The following SSC5D variants were observed in gnomAD, a reference collection of about 807,000 sequenced individuals.
SSC5D encodes the protein scavenger receptor cysteine rich family member with 5 domains.
In SSC5D, 106 loss-of-function variants were observed where a neutral mutation model predicts 104.6. The ratio of observed to expected loss-of-function variants is 1.01; its 90% CI spans 0.87 to 1.19. The LOEUF is 1.19. Among genes scored for constraint, SSC5D ranks in the 50% most tolerant of loss-of-function variants. The probability of loss-of-function intolerance (pLI) is 0.00; values close to 1 mark genes in which losing one functional copy is unlikely to be tolerated. For synonymous variants in SSC5D, 860 were observed against 883.5 expected (o/e 0.97, Z 0.47); for missense variants, 1,993 against 2,153.8 (o/e 0.93, Z 1.48).
chr19:55,514,458 A>C (rs1195245833), intron 13 of SSC5D, among the ~76,000 whole-genome samples: 2 of 26,700 alleles, frequency 7.5e-5, no homozygotes, highest in Admixed American at 5.0e-4. Flanking sequence ...TAATAATAAT[A>C]GGTGTGGTGG....
rs1363736841 is a variant in SSC5D, at chr19:55,517,514, C to A, written c.3238C>A (p.Pro1080Thr). 5 of 1,551,374 alleles carry A rather than the reference C, an allele frequency of 3.2e-6. No homozygotes were observed. The highest frequency in any genetic ancestry group is 4.4e-6 in the Non-Finnish European group (5 of 1,147,002). ...GTCCACCCCTGACTCCAGTGTGGTT[C>A]CCGCGTTGACCCCGGAGCCCTCACC... ...ALSTPDSSVV[P>T]ALTPEPSPTP... Residue 1080 changes from proline to threonine, a missense_variant, in exon 14 of 14, where the codon CCC becomes ACC. By Grantham distance (38) the Pro-to-Thr change is conservative (BLOSUM62 -1). Coordinates refer to ENST00000389623, the MANE Select transcript of SSC5D (RefSeq NM_001144950.2).
chr19:55,495,739 G>T (rs1248714507), intron 8 of SSC5D, among the ~76,000 whole-genome samples: 1 of 151,634 alleles, frequency 6.6e-6, no homozygotes, highest in Non-Finnish European at 1.5e-5. Flanking sequence ...AGCATGGCAG[G>T]AATCTTTTAT....
intron 13 of SSC5D, among the ~76,000 whole-genome samples, chr19:55,515,415 A>AG (rs1987849060): frequency 1.4e-5 from 2 of 143,826 alleles, no homozygotes; most frequent in African/African-American, 2.7e-5. Flanking sequence ...AAAAAAAAAA[A>AG]AAGTTAAATG....
chr19:55,489,063 C>T, intron 2 of SSC5D, 31 bp downstream of exon 2: 1 of 20,860 alleles, frequency 4.8e-5, no homozygotes, highest in Non-Finnish European at 9.5e-5. Flanking sequence ...CATCTGCCCG[C>T]CCCCCCCCCC....
chr19:55,489,510 C>G lies in SSC5D; in HGVS notation c.209C>G (p.Pro70Arg). The G allele has an allele frequency of 6.8e-7, 1 of 1,466,464 alleles. No individual in the cohort carries two copies. The highest frequency in any genetic ancestry group is 9.0e-7 in the Non-Finnish European group (1 of 1,115,560). 90.8% of individuals were successfully genotyped at this position (1,466,464 alleles called of 1,614,324 possible). A position where few individuals can be genotyped will look rare whatever the true frequency, so the allele number is the denominator to read the frequency against. Residue 70 changes from proline (P) to arginine (R), a missense_variant, in exon 3 of 14, where the codon CCG (proline) becomes CGG (arginine). Pro to Arg is a moderately radical substitution (Grantham distance 103). Coordinates refer to ENST00000389623, the MANE Select transcript of SSC5D (RefSeq NM_001144950.2). Reference protein sequence around the residue: ...QLGCGGALAAPGGAFFGEGAG... With the variant: ...QLGCGGALAARGGAFFGEGAG... ...GGCTGCGGAGGGGCACTGGCCGCCC[C>G]GGGAGGCGCCTTCTTCGGGGAGGGG...
Position 55,519,071 on chromosome 19 carries a change from A to G in SSC5D, c.*73A>G. ...CAAAAACAAAAAAAACCCCCAAAGT[A>G]TCTAATTAAAAACAAGGTGTGAATG... On this transcript the variant is annotated 3_prime_UTR_variant, in exon 14 of 14. Coordinates refer to ENST00000389623, the MANE Select transcript of SSC5D (RefSeq NM_001144950.2). The G allele has an allele frequency of 1.3e-5, 19 of 1,440,718 alleles. No homozygotes were observed. The highest frequency in any genetic ancestry group is 2.5e-5 in the East Asian group (1 of 40,438). The allele number at this position is 1,440,718 out of a possible 1,614,324, so 89.2% of individuals were successfully genotyped here.
At chr19:55,508,101 A>T (rs1385409827) in intron 12 of SSC5D, among the ~76,000 whole-genome samples, 1 of 152,110 alleles carries the variant, frequency 6.6e-6, no homozygotes, top group Non-Finnish European at 1.5e-5. Context: ...GGATATCAGG[A>T]GATATTAGCT....
chr19:55,497,446 A>G (rs1311830032), intron 8 of SSC5D, among the ~76,000 whole-genome samples: 1 of 152,248 alleles, frequency 6.6e-6, no homozygotes. Flanking sequence ...CATGTAACAT[A>G]AAGTTAACCA....
intron 2 of SSC5D, 113 bp downstream of exon 2, chr19:55,489,145 GTGACCT>G (rs1257400004): frequency 1.1e-6 from 1 of 952,232 alleles, no homozygotes; most frequent in African/African-American, 1.8e-5. Context: ...GAATTCCACT[GTGACCT>G]TGGCCCCAGC....
chr19:55,499,704 A>G, intron 9 of SSC5D, 112 bp from the exon 10 acceptor site: 1 of 822,376 alleles, frequency 1.2e-6, no homozygotes, highest in Non-Finnish European at 1.9e-6. Context: ...AAATGAATGA[A>G]TGATGAATGA....
In SSC5D at chr19:55,503,818, CT is replaced by C. The variant is rs76722696; in HGVS notation, c.2785+2627del. Among the ~76,000 whole-genome samples, 59,052 of 150,818 alleles carry C rather than the reference CT, an allele frequency of 0.39. 11,788 individuals are homozygous for C. The highest frequency in any genetic ancestry group is 0.59 in the East Asian group (3,018 of 5,098). ...TCTCGCCGCAAGCGTCCTTTCCCGCCTTTTTTTTTTCTGGCGCTCAGCACGC... is the reference window on the plus strand; with the variant it reads ...TCTCGCCGCAAGCGTCCTTTCCCGCCTTTTTTTTTCTGGCGCTCAGCACGC... On this transcript the variant is annotated intron_variant, in intron 12 of 13. Coordinates refer to ENST00000389623, the MANE Select transcript of SSC5D (RefSeq NM_001144950.2). This position sits in a 1 kb window ranked among gnomAD's most constrained non-coding sequence, Gnocchi z 4.0.
At chr19:55,489,057 T>TGGGGGGGGC in intron 2 of SSC5D, 25 bp downstream of exon 2, 2 of 1,247,976 alleles carry the variant, frequency 1.6e-6, no homozygotes, top group Non-Finnish European at 2.1e-6. Flanking sequence ...TCCTCCCATC[T>TGGGGGGGGC]GCCCGCCCCC....
At chr19:55,495,231 ATATTT>A (rs1987286252) in intron 8 of SSC5D, among the ~76,000 whole-genome samples, 1 of 25,966 alleles carries the variant, frequency 3.9e-5, no homozygotes. Flanking sequence ...ATATATATAT[ATATTT>A]TTTTTTTTTT....
At position 55,490,536 on chromosome 19, in the gene SSC5D, G is replaced by A. The variant is rs78828816; in HGVS notation, c.586+128G>A. ...CTGGAGGGATCCCAGTGTTCCCCGC[G>A]TCCCTCCCCCGGGGATTTAGACGGC... On this transcript the variant is annotated intron_variant, in intron 5 of 13. Transcript: ENST00000389623. The A allele has an allele frequency of 9.3e-3, 5,692 of 609,632 alleles. 120 individuals are homozygous for A. The highest frequency in any genetic ancestry group is 0.078 in the East Asian group (2,561 of 32,844). 37.8% of individuals were successfully genotyped at this position (609,632 alleles called of 1,614,324 possible).
chr19:55,493,994 G>GCCCGCCCCCCCCCCCCCC, intron 7 of SSC5D, 82 bp downstream of exon 7: 1 of 143,314 alleles, frequency 7.0e-6, no homozygotes, highest in Non-Finnish European at 1.4e-5. Flanking sequence ...GGGCGGGGGG[G>GCCCGCCCCCCCCCCCCCC]TCCCTACGCG....
rs1024574205 is a variant in SSC5D, at chr19:55,488,483, C to T, written c.-107C>T. ...CTGCCTGCTCCTCCTCGGGCCTGGG[C>T]GCCTCCAGCAGGCACTTCCCTCCCT... On this transcript the variant is annotated 5_prime_UTR_variant, in exon 1 of 14. Transcript: ENST00000389623. The T allele has an allele frequency of 5.9e-6, 6 of 1,020,906 alleles. No homozygotes were observed. Among genetic ancestry groups the T allele is most frequent in the East Asian group, 2.7e-5 (1 of 36,868 alleles). 63.2% of individuals were successfully genotyped at this position (1,020,906 alleles called of 1,614,324 possible). A position where few individuals can be genotyped will look rare whatever the true frequency, so the allele number is the denominator to read the frequency against.
At chr19:55,509,731 C>T (rs563942388) in intron 12 of SSC5D, among the ~76,000 whole-genome samples, 12 of 150,416 alleles carry the variant, frequency 8.0e-5, no homozygotes, top group African/African-American at 2.2e-4. Flanking sequence ...TGGTGGCAGG[C>T]GCCTGTAATC....
chr19:55,502,495 T>C (rs756622147), intron 12 of SSC5D, among the ~76,000 whole-genome samples: 1 of 152,140 alleles, frequency 6.6e-6, no homozygotes, highest in African/African-American at 2.4e-5. Flanking sequence ...TTCTCCCTTG[T>C]CCTTCTGTCT....
chr19:55,498,679 A>G (rs929451763), intron 9 of SSC5D, among the ~76,000 whole-genome samples: 11 of 152,356 alleles, frequency 7.2e-5, no homozygotes, highest in Middle Eastern at 3.4e-3. Context: ...TGCTGGGCTC[A>G]TGAATGGAAT....
Sources: allele counts gnomAD v4.1 joint callset (sites outside exome capture counted in the v4.1 genomes callset), GRCh38; gene constraint gnomAD v4.1.1; non-coding constraint Gnocchi (gnomAD v3.1); transcripts MANE v1.5; gene names NCBI Gene and HGNC (gene_info 2026-07-23, HGNC 2026-07-21).